The following RRP9 variants were observed in gnomAD, a reference collection of about 807,000 sequenced individuals.
The protein encoded by RRP9 is U3 small nucleolar RNA-interacting protein 2.
Under a neutral mutation model 65.5 loss-of-function variants are expected in RRP9, and 35 were observed. The observed-to-expected ratio is 0.53, with a 90% confidence interval of 0.41 to 0.71. The LOEUF is 0.71. Among genes scored for constraint, RRP9 ranks in the 30% least tolerant of loss-of-function variants. The probability of loss-of-function intolerance (pLI) is 0.00; values close to 1 mark genes in which losing one functional copy is unlikely to be tolerated. For synonymous variants in RRP9, 254 were observed against 245.0 expected (o/e 1.04, Z -0.34); for missense variants, 533 against 633.6 (o/e 0.84, Z 1.70).
chr3:51,937,157 A>G lies in RRP9; in HGVS notation c.517+35T>C. ...CCTGACCAGCCCTCCCGGATCCGCC[A>G]TGGGGGCTCCAGCCCCACCCAGGCA... On this transcript the variant is annotated intron_variant, in intron 6 of 14. Transcript: ENST00000232888. This position sits in a 1 kb window ranked among gnomAD's most constrained non-coding sequence, Gnocchi z 5.0. 2.5e-6 allele frequency: 4 copies of G among 1,609,556 alleles called. No homozygotes were observed. The highest frequency in any genetic ancestry group is 2.5e-6 in the Non-Finnish European group (3 of 1,177,770).
At position 51,934,448 on chromosome 3, in the gene RRP9, G is replaced by A. The variant is rs749843418; in HGVS notation, c.1260+24C>T. 1 of 1,604,014 alleles carries A rather than the reference G, an allele frequency of 6.2e-7. No individual in the cohort carries two copies. The highest frequency in any genetic ancestry group is 8.5e-7 in the Non-Finnish European group (1 of 1,174,000). On this transcript the variant is annotated intron_variant, in intron 13 of 14. Transcript: ENST00000232888. The surrounding 1 kb of genome is among the most constrained non-coding windows in gnomAD (Gnocchi z 4.1). ...CTAGGCAGTGTGGCAGAGACAGGCT[G>A]AGCATTCAAGCACACTCACTCACCA...
intron 13 of RRP9, among the ~76,000 whole-genome samples, 183 bp from the exon 14 acceptor site, chr3:51,933,964 G>T (rs1432139601): frequency 6.6e-6 from 1 of 152,210 alleles, no homozygotes; most frequent in Non-Finnish European, 1.5e-5. Context: ...TGCGAGATGG[G>T]GGTAAGCAGA....
chr3:51,940,157 G>A (rs1362187483), intron 2 of RRP9, among the ~76,000 whole-genome samples: 1 of 152,142 alleles, frequency 6.6e-6, no homozygotes, highest in Non-Finnish European at 1.5e-5. Context: ...TCAGGTGGCT[G>A]AGGCAGGAGA....
chr3:51,941,330 T>C, intron 2 of RRP9, 79 bp downstream of exon 2: 1 of 1,195,914 alleles, frequency 8.4e-7, no homozygotes, highest in East Asian at 2.3e-5. Flanking sequence ...CTAGGCTCAG[T>C]TCTGTTCGGA....
At chr3:51,940,996 C>G (rs1313558290) in intron 2 of RRP9, among the ~76,000 whole-genome samples, 1 of 152,256 alleles carries the variant, frequency 6.6e-6, no homozygotes, top group African/African-American at 2.4e-5. Context: ...ACAACACACT[C>G]TCTTCACCCG....
intron 2 of RRP9, among the ~76,000 whole-genome samples, chr3:51,940,170 C>G (rs1040670238): frequency 6.6e-6 from 1 of 152,082 alleles, no homozygotes; most frequent in African/African-American, 2.4e-5. Context: ...GCAGGAGAAT[C>G]ACTTGAACCT....
Position 51,941,422 on chromosome 3 carries a change from A to G in RRP9, c.157T>C (p.Ser53Pro). Residue 53 changes from serine to proline, a missense_variant, in exon 2 of 15, where the codon TCT (serine) becomes CCT (proline). By Grantham distance (74) the Ser-to-Pro change is moderately conservative. Around this residue, in one of 3 missense-constraint regions of RRP9, gnomAD observed 7 missense variants for 22.5 expected, o/e 0.31. Transcript: ENST00000232888. Reference sequence around the variant, plus strand: ...AGAATAGCTCACCTCTCGCTCTCAGAGTCGCTGGAGATCTCCTCATTCATC... The same window carrying G: ...AGAATAGCTCACCTCTCGCTCTCAGGGTCGCTGGAGATCTCCTCATTCATC... ...GKMNEEISSD[S>P]ESESLAPRKP... 10 of 1,614,088 alleles carry G rather than the reference A, an allele frequency of 6.2e-6. No homozygotes were observed. The highest frequency in any genetic ancestry group is 8.5e-6 in the Non-Finnish European group (10 of 1,179,940).
chr3:51,939,933 A>T (rs1046916918), intron 2 of RRP9, among the ~76,000 whole-genome samples: 2 of 152,190 alleles, frequency 1.3e-5, no homozygotes, highest in African/African-American at 4.8e-5. Context: ...CCTGGCACAC[A>T]CTCACCCACA....
At position 51,933,504 on chromosome 3, in the gene RRP9, T is replaced by G. The variant is rs1039796907; in HGVS notation, c.*2A>C. 6 of 1,609,996 alleles carry G rather than the reference T, an allele frequency of 3.7e-6. No individual in the cohort carries two copies. Among genetic ancestry groups the G allele is most frequent in the Non-Finnish European group, 5.1e-6 (6 of 1,177,814 alleles). On this transcript the variant is annotated 3_prime_UTR_variant, in exon 15 of 15. Transcript: ENST00000232888. The stretch of plus-strand genomic sequence containing the variant: ...AGGACTTAAATAAGGAGGATAAGAG[T>G]GTCAGGAACCAGCAGCTGGGGGTAC...
chr3:51,941,853 C>A lies in RRP9; in HGVS notation c.15G>T (p.Ala5=), dbSNP rs1341285715. 2 of 1,582,286 alleles carry A rather than the reference C, an allele frequency of 1.3e-6. No homozygotes were observed. The highest frequency in any genetic ancestry group is 8.5e-7 in the Non-Finnish European group (1 of 1,172,174). Residue 5 remains alanine (A), a synonymous_variant, in exon 1 of 15, where the codon GCG becomes GCT. Transcript: ENST00000232888. The part of the protein sequence containing the change: MSAT[A]AARKRGKPAS... ...CCGGCTTTCCCCGCTTACGAGCAGC[C>A]GCTGTTGCCGACATGCTGCCCACCA...
rs1699476966 is a variant in RRP9, at chr3:51,937,789, T to C, written c.281-53A>G. 1.0e-5 allele frequency: 16 copies of C among 1,599,232 alleles called. No homozygotes were observed. The highest frequency in any genetic ancestry group is 1.7e-5 in the Admixed American group (1 of 59,878). ...ACTGAGGCTGAGACCCCTCTTTCCC[T>C]TCCATCCTGTCCCCATCCCACTGCC... is the stretch of plus-strand genomic sequence containing the variant. On this transcript the variant is annotated intron_variant, in intron 3 of 14. Coordinates refer to ENST00000232888, the MANE Select transcript of RRP9 (RefSeq NM_004704.5). This position sits in a 1 kb window ranked among gnomAD's most constrained non-coding sequence, Gnocchi z 5.0.
intron 2 of RRP9, among the ~76,000 whole-genome samples, chr3:51,939,077 C>T (rs904453943): frequency 6.6e-6 from 1 of 152,194 alleles, no homozygotes; most frequent in African/African-American, 2.4e-5. Flanking sequence ...GGCACTCAGA[C>T]ACAGAGAATC....
At position 51,936,336 on chromosome 3, in the gene RRP9, C is replaced by G. The variant is rs1331711911; in HGVS notation, c.656G>C (p.Arg219Pro). The G allele has an allele frequency of 6.2e-7, 1 of 1,614,162 alleles. No homozygotes were observed. Among genetic ancestry groups the G allele is most frequent in the Non-Finnish European group, 8.5e-7 (1 of 1,180,022 alleles). ...SDGKYLASGD[R>P]SKLILIWEAQ... ...CTCCCAAATGAGAATGAGCTTGCTG[C>G]GGTCACCAGAGGCCTGCAGGGATGA... Residue 219 changes from arginine (R) to proline (P), a missense_variant, in exon 8 of 15, where the codon CGC becomes CCC. Coordinates refer to ENST00000232888, the MANE Select transcript of RRP9 (RefSeq NM_004704.5).
Position 51,937,198 on chromosome 3 carries a change from T to C in RRP9, c.511A>G (p.Ile171Val), listed in dbSNP as rs1699468493. 34 of 1,613,144 alleles carry C rather than the reference T, an allele frequency of 2.1e-5. No individual in the cohort carries two copies. The highest frequency in any genetic ancestry group is 2.8e-5 in the Non-Finnish European group (33 of 1,179,620). Residue 171 changes from isoleucine to valine, a missense_variant, in exon 6 of 15, where the codon ATT becomes GTT. Ile to Val is a conservative substitution (Grantham distance 29). Transcript: ENST00000232888. This position sits in a 1 kb window ranked among gnomAD's most constrained non-coding sequence, Gnocchi z 5.0. ...IFSAAKDCSI[I>V]KWSVESGRKL... Reference sequence around the variant, plus strand: ...CACCCAGGCACTCACTCACACTTAATGATGCTGCAGTCTTTGGCAGCAGAG... The same window carrying C: ...CACCCAGGCACTCACTCACACTTAACGATGCTGCAGTCTTTGGCAGCAGAG...
chr3:51,937,379 C>T lies in RRP9; in HGVS notation c.391-61G>A. 6.2e-7 allele frequency: 1 copy of T among 1,610,372 alleles called. No individual in the cohort carries two copies. ...GCATAAAGGCACTACCTTCACCAAC[C>T]CCACTGCGTAGTGTTGGCCTTTCCC... On this transcript the variant is annotated intron_variant, in intron 5 of 14. Transcript: ENST00000232888. The surrounding 1 kb of genome is among the most constrained non-coding windows in gnomAD (Gnocchi z 5.0).
Position 51,940,032 on chromosome 3 carries a change from G to A in RRP9, c.170+1377C>T, listed in dbSNP as rs140880962. ...AGCACTCTGGGAGGCTAAGATGGGCGGATCACTTGAGGTCAGGAGTTCGAG... is the reference window on the plus strand; with the variant it reads ...AGCACTCTGGGAGGCTAAGATGGGCAGATCACTTGAGGTCAGGAGTTCGAG... On this transcript the variant is annotated intron_variant, in intron 2 of 14. Transcript: ENST00000232888. Among the ~76,000 whole-genome samples the A allele has an allele frequency of 3.3e-4, 50 of 152,320 alleles. 1 individual carries two copies. Among genetic ancestry groups the A allele is most frequent in the Non-Finnish European group, 5.3e-4 (36 of 68,026 alleles).
chr3:51,934,461 C>T lies in RRP9; in HGVS notation c.1260+11G>A, dbSNP rs761319307. 6.2e-7 allele frequency: 1 copy of T among 1,610,374 alleles called. No individual in the cohort carries two copies. The highest frequency in any genetic ancestry group is 1.1e-5 in the South Asian group (1 of 90,408). The stretch of plus-strand genomic sequence containing the variant: ...CAGAGACAGGCTGAGCATTCAAGCA[C>T]ACTCACTCACCAGGGGGATGTCACA... On this transcript the variant is annotated intron_variant, in intron 13 of 14. Coordinates refer to ENST00000232888, the MANE Select transcript of RRP9 (RefSeq NM_004704.5). The surrounding 1 kb of genome is among the most constrained non-coding windows in gnomAD (Gnocchi z 4.1).
intron 2 of RRP9, among the ~76,000 whole-genome samples, chr3:51,941,018 C>T (rs1699516914): frequency 6.6e-6 from 1 of 152,246 alleles, no homozygotes; most frequent in South Asian, 2.1e-4. Context: ...CTGCCTATCT[C>T]TGCACTTCCA....
intron 2 of RRP9, among the ~76,000 whole-genome samples, chr3:51,939,479 G>T (rs1393326881): frequency 6.6e-6 from 1 of 152,208 alleles, no homozygotes; most frequent in Non-Finnish European, 1.5e-5. Flanking sequence ...ACAACTCTAG[G>T]GGCAGTGGTT....
Sources: allele counts gnomAD v4.1 joint callset (sites outside exome capture counted in the v4.1 genomes callset), GRCh38; gene constraint gnomAD v4.1.1; regional missense constraint gnomAD v4.1.1; non-coding constraint Gnocchi (gnomAD v3.1); transcripts MANE v1.5; gene names NCBI Gene and HGNC (gene_info 2026-07-23, HGNC 2026-07-21).